AXL: variants seen among roughly 807,000 people sequenced by gnomAD.
The protein encoded by AXL is AXL receptor tyrosine kinase, also known as tyrosine-protein kinase receptor UFO.
AXL carries 52 observed loss-of-function variants against 104.5 expected under a neutral mutation model. That is an observed-to-expected ratio of 0.50 (90% confidence interval 0.40 to 0.63). The LOEUF (loss-of-function observed/expected upper bound fraction) is 0.63. AXL is among the 20% of genes least tolerant of loss of function. The probability of loss-of-function intolerance (pLI) is 0.00; values close to 1 mark genes in which losing one functional copy is unlikely to be tolerated. For missense variants in AXL, 1,024 were observed against 1,188.5 expected (o/e 0.86, Z 2.04); for synonymous variants, 455 against 473.7 (o/e 0.96, Z 0.51).
At chr19:41,230,227 T>C (rs532549012) in intron 4 of AXL, among the ~76,000 whole-genome samples, 1 of 151,050 alleles carries the variant, frequency 6.6e-6, no homozygotes, top group South Asian at 2.1e-4. Flanking sequence ...GTCTCTGGGG[T>C]GTAAGAATGT....
In AXL at chr19:41,259,853, G is replaced by C. The variant is rs1158398953; in HGVS notation, c.2634G>C (p.Gln878His). The C allele has an allele frequency of 6.2e-7, 1 of 1,608,942 alleles. No individual in the cohort carries two copies. The highest frequency in any genetic ancestry group is 1.7e-5 in the Admixed American group (1 of 59,542). The change falls in exon 20 of 20, where the codon CAG (glutamine) becomes CAC (histidine). Residue 878 changes from glutamine to histidine, a missense_variant. Physicochemically the swap from Gln to His is conservative, Grantham distance 24. Around this residue, in one of 5 missense-constraint regions of AXL, gnomAD observed 523 missense variants for 636.0 expected, o/e 0.82. Transcript: ENST00000301178. Reference protein sequence around the residue: ...LCPSTTPSPAQPADRGSPAAP... With the variant: ...LCPSTTPSPAHPADRGSPAAP... ...CTTCCACAACCCCTAGCCCCGCTCA[G>C]CCTGCTGATAGGGGCTCCCCAGCAG...
rs376785668 is a variant in AXL at position 41,231,295 on chromosome 19, G to T, written c.780G>T (p.Leu260=). ...SGIYPLTHCT[L]QAVLSDDGMG... ...TCTACCCCCTGACCCACTGCACCCT[G>T]CAGGTGAGACTCCCAAACTTGGTTC... Residue 260 remains leucine (L), a synonymous_variant, in exon 6 of 20, where the codon CTG becomes CTT. Coordinates refer to ENST00000301178, the MANE Select transcript of AXL (RefSeq NM_021913.5). 2.4e-5 allele frequency: 38 copies of T among 1,611,666 alleles called. No individual in the cohort carries two copies. The highest frequency in any genetic ancestry group is 3.1e-5 in the Non-Finnish European group (36 of 1,178,606).
chr19:41,247,415 A>G lies in AXL; in HGVS notation c.1538-1099A>G, dbSNP rs567349922. On this transcript the variant is annotated intron_variant, in intron 12 of 19. Coordinates refer to ENST00000301178, the MANE Select transcript of AXL (RefSeq NM_021913.5). ...GTACTTGGGAGGCTGAGGCAGGAGAATCGCTTGAACCTGAGAGGCGGAGGT... is the reference window on the plus strand; with the variant it reads ...GTACTTGGGAGGCTGAGGCAGGAGAGTCGCTTGAACCTGAGAGGCGGAGGT... Among the ~76,000 whole-genome samples, 29 of 152,240 alleles carry G rather than the reference A, an allele frequency of 1.9e-4. No individual in the cohort carries two copies. The East Asian group carries it at 5.2e-3, about 27-fold the overall frequency.
intron 14 of AXL, among the ~76,000 whole-genome samples, chr19:41,249,960 C>A (rs1046710015): frequency 1.3e-5 from 2 of 152,150 alleles, no homozygotes; most frequent in Non-Finnish European, 2.9e-5. Flanking sequence ...ATGTAGTTTT[C>A]AGGGGCCGGC....
At position 41,260,350 on chromosome 19, in the gene AXL, C is replaced by T. The variant is rs1343460584; in HGVS notation, c.*446C>T. 1 of 131,154 alleles carries T rather than the reference C, an allele frequency of 7.6e-6. No individual in the cohort carries two copies. The highest frequency in any genetic ancestry group is 1.3e-4 in the East Asian group (1 of 7,788). The allele number at this position is 131,154 out of a possible 1,614,324, so 8.1% of individuals were successfully genotyped here. A position where few individuals can be genotyped will look rare whatever the true frequency, so the allele number is the denominator to read the frequency against. ...TTTTTGCGATAGAGTCTCACTGTGT[C>T]ACCCAGGCTGGAGTGCAGTGGTGCA... On this transcript the variant is annotated 3_prime_UTR_variant, in exon 20 of 20. Coordinates refer to ENST00000301178, the MANE Select transcript of AXL (RefSeq NM_021913.5).
At chr19:41,242,815 C>T in intron 10 of AXL, 68 bp from the exon 11 acceptor site, 2 of 1,596,538 alleles carry the variant, frequency 1.3e-6, no homozygotes, top group African/African-American at 2.7e-5. Context: ...TCCCACATCA[C>T]CCCTTTGGGT....
rs778012871 is a variant in AXL, at chr19:41,238,027, G to GC, written c.874dup (p.His292ProfsTer47). 3 of 1,613,336 alleles carry GC rather than the reference G, an allele frequency of 1.9e-6. No individual in the cohort carries two copies. Among genetic ancestry groups the GC allele is most frequent in the Admixed American group, 1.7e-5 (1 of 59,888 alleles). ...AGCCCCTCACCTCGCAAGCATCCGT[G>GC]CCCCCCCATCAGCTTCGGCTAGGCA... On this transcript the variant is annotated frameshift_variant, in exon 7 of 20. Coordinates refer to ENST00000301178, the MANE Select transcript of AXL (RefSeq NM_021913.5). LOFTEE classifies it high-confidence loss of function.
At chr19:41,253,315 A>G (rs2034397823) in intron 16 of AXL, among the ~76,000 whole-genome samples, 3 of 152,158 alleles carry the variant, frequency 2.0e-5, no homozygotes, top group Admixed American at 2.0e-4. Context: ...AGCGCACAGC[A>G]TAGGCAAAGG....
At chr19:41,228,440 G>A (rs961312244) in intron 4 of AXL, among the ~76,000 whole-genome samples, 3 of 152,112 alleles carry the variant, frequency 2.0e-5, no homozygotes, top group African/African-American at 7.2e-5. Context: ...TGTAATCCCA[G>A]CTACTCAGAA....
At chr19:41,230,127 C>T (rs2033950867) in intron 4 of AXL, among the ~76,000 whole-genome samples, 1 of 143,332 alleles carries the variant, frequency 7.0e-6, no homozygotes, top group Admixed American at 6.9e-5. Context: ...GTGTGAGACA[C>T]AGTGTGTGTG....
Position 41,242,940 on chromosome 19 carries a change from C to T in AXL, c.1370C>T (p.Ala457Val), listed in dbSNP as rs2122247139. 6.2e-7 allele frequency: 1 copy of T among 1,614,174 alleles called. No individual in the cohort carries two copies. Among genetic ancestry groups the T allele is most frequent in the Non-Finnish European group, 8.5e-7 (1 of 1,180,028 alleles). The change falls in exon 11 of 20, where the codon GCA becomes GTA. Residue 457 changes from alanine to valine, a missense_variant. Coordinates refer to ENST00000301178, the MANE Select transcript of AXL (RefSeq NM_021913.5). ...CCCTGGTGGTATGTACTGCTAGGAG[C>T]AGTCGTGGCCGCTGCCTGTGTCCTC... Reference protein sequence around the residue: ...SWPWWYVLLGAVVAAACVLIL... With the variant: ...SWPWWYVLLGVVVAAACVLIL...
intron 8 of AXL, 135 bp downstream of exon 8, chr19:41,238,744 GTTCACA>G: frequency 7.7e-7 from 1 of 1,302,566 alleles, no homozygotes; most frequent in Non-Finnish European, 1.0e-6. Flanking sequence ...TTCAGGGAAG[GTTCACA>G]TTCACATTCT....
chr19:41,247,212 T>G (rs1195509748), intron 12 of AXL, among the ~76,000 whole-genome samples: 2 of 152,228 alleles, frequency 1.3e-5, no homozygotes, highest in African/African-American at 4.8e-5. Flanking sequence ...TGTGTTTGAT[T>G]TGTGAAAATC....
chr19:41,222,104 C>G (rs982630772), intron 4 of AXL, 48 bp downstream of exon 4: 1 of 1,458,632 alleles, frequency 6.9e-7, no homozygotes, highest in African/African-American at 1.4e-5. Flanking sequence ...CCGGGCAGGG[C>G]TGAAGTCAGG....
intron 8 of AXL, among the ~76,000 whole-genome samples, 178 bp from the exon 9 acceptor site, chr19:41,238,986 G>T (rs2034132610): frequency 6.6e-6 from 1 of 152,006 alleles, no homozygotes; most frequent in African/African-American, 2.4e-5. Flanking sequence ...GCTAGAAGGG[G>T]ATGGAGGGAT....
chr19:41,240,479 GA>G, intron 10 of AXL, among the ~76,000 whole-genome samples: 1 of 152,184 alleles, frequency 6.6e-6, no homozygotes, highest in East Asian at 1.9e-4. Flanking sequence ...TAGAAAGGTG[GA>G]TGGATGGATG....
chr19:41,253,014 T>C (rs2034391676), intron 16 of AXL, 47 bp downstream of exon 16: 1 of 1,601,668 alleles, frequency 6.2e-7, no homozygotes, highest in African/African-American at 1.3e-5. Context: ...ACTGAGCATC[T>C]ATCAGGTACC....
rs1446134116 is a variant in AXL at position 41,246,569 on chromosome 19, G to A, written c.1538-1945G>A. Among the ~76,000 whole-genome samples the A allele has an allele frequency of 3.3e-5, 5 of 151,774 alleles. No individual in the cohort carries two copies. The East Asian group carries it at 9.6e-4, about 29-fold the overall frequency. The stretch of plus-strand genomic sequence containing the variant: ...AAAAAAAAAAGAAACACAAAAATTT[G>A]CCAGGTGTGGTGGTGTACACCTATA... On this transcript the variant is annotated intron_variant, in intron 12 of 19. Coordinates refer to ENST00000301178, the MANE Select transcript of AXL (RefSeq NM_021913.5).
chr19:41,240,388 A>ATGGG (rs1164326840), intron 10 of AXL, among the ~76,000 whole-genome samples: 2 of 151,400 alleles, frequency 1.3e-5, no homozygotes, highest in African/African-American at 2.4e-5. Flanking sequence ...GGATGGATGG[A>ATGGG]TGGATGGATG....
Sources: gnomAD v4.1 joint callset for allele counts (sites outside exome capture counted in the v4.1 genomes callset) on GRCh38, gnomAD v4.1.1 for gene constraint, gnomAD v4.1.1 regional missense constraint, MANE v1.5 for transcripts, NCBI Gene and HGNC (gene_info 2026-07-23, HGNC 2026-07-21) for gene names.